NCAM2: variants seen among roughly 807,000 people sequenced by gnomAD.
NCAM2 encodes N-CAM-2.
NCAM2 carries 30 observed loss-of-function variants against 98.1 expected under a neutral mutation model. That is an observed-to-expected ratio of 0.31 (90% CI 0.23 to 0.41). NCAM2 has a LOEUF of 0.41. Among genes scored for constraint, NCAM2 ranks in the 10% least tolerant of loss-of-function variants. The probability of loss-of-function intolerance (pLI) is 1.00; values close to 1 mark genes in which losing one functional copy is unlikely to be tolerated. For synonymous variants in NCAM2, 368 were observed against 342.4 expected (o/e 1.07, Z -0.83); for missense variants, 867 against 1,005.8 (o/e 0.86, Z 1.87).
At chr21:21,521,135 C>T (rs1988993326) in intron 16 of NCAM2, among the ~76,000 whole-genome samples, 1 of 152,112 alleles carries the variant, frequency 6.6e-6, no homozygotes, top group African/African-American at 2.4e-5. Flanking sequence ...GCCAACACCA[C>T]CCGGCTCTAT....
rs148662420 is a variant in NCAM2 at position 21,104,266 on chromosome 21, G to A, written c.55+105648G>A. The stretch of plus-strand genomic sequence containing the variant: ...CGTAAGTTGTTTTCAAGTTATAATC[G>A]GATATTTACATGTATTTATTAGTAC... On this transcript the variant is annotated intron_variant, in intron 1 of 17. Transcript: ENST00000400546. Among the ~76,000 whole-genome samples the A allele has an allele frequency of 3.8e-4, 58 of 151,994 alleles. No individual in the cohort carries two copies. In the East Asian group the frequency reaches 9.3e-3, roughly 24 times the overall value.
At chr21:21,008,686 T>C (rs2064152976) in intron 1 of NCAM2, among the ~76,000 whole-genome samples, 1 of 152,184 alleles carries the variant, frequency 6.6e-6, no homozygotes, top group African/African-American at 2.4e-5. Flanking sequence ...TACTTCTTGG[T>C]ATGAAACATA....
chr21:21,248,776 C>CAAAAAAAAAAAAAAAA (rs1171857115), intron 1 of NCAM2, among the ~76,000 whole-genome samples: 2 of 50,654 alleles, frequency 3.9e-5, no homozygotes, highest in Non-Finnish European at 6.5e-5. Context: ...GACTCTGTCT[C>CAAAAAAAAAAAAAAAA]AAAAAAAAAA....
At chr21:21,148,076 C>G (rs555986175) in intron 1 of NCAM2, among the ~76,000 whole-genome samples, 190 of 152,164 alleles carry the variant, frequency 1.2e-3, no homozygotes, top group Middle Eastern at 3.4e-3. Flanking sequence ...TTCTCCTATT[C>G]AGGCTCTCAA....
chr21:21,153,246 C>T (rs2067500628), intron 1 of NCAM2, among the ~76,000 whole-genome samples: 1 of 150,778 alleles, frequency 6.6e-6, no homozygotes, highest in African/African-American at 2.4e-5. Flanking sequence ...ATCTGGAAGA[C>T]AATTCCATTA....
At chr21:21,440,417 C>T (rs532463705) in intron 12 of NCAM2, among the ~76,000 whole-genome samples, 1 of 152,256 alleles carries the variant, frequency 6.6e-6, no homozygotes, top group East Asian at 1.9e-4. Context: ...CACAGTGGCT[C>T]ATGCCTGTAA....
intron 1 of NCAM2, among the ~76,000 whole-genome samples, chr21:21,020,784 T>G (rs1002870206): frequency 2.0e-5 from 3 of 152,214 alleles, no homozygotes; most frequent in African/African-American, 7.2e-5. Context: ...ATAGGAACAC[T>G]TTTTAAATAT....
intron 1 of NCAM2, among the ~76,000 whole-genome samples, chr21:21,041,029 C>T (rs1307011610): frequency 2.0e-5 from 3 of 151,984 alleles, no homozygotes; most frequent in Non-Finnish European, 2.9e-5. Context: ...AATATCACTC[C>T]ATTGCCCATA....
chr21:21,398,340 A>G (rs1467688899), intron 9 of NCAM2, among the ~76,000 whole-genome samples: 1 of 152,204 alleles, frequency 6.6e-6, no homozygotes, highest in Non-Finnish European at 1.5e-5. Context: ...GGGTACACCA[A>G]AATCCCACAA....
chr21:21,490,230 AC>A (rs200673853), intron 15 of NCAM2, among the ~76,000 whole-genome samples: 2,577 of 150,424 alleles, frequency 0.017, 24 homozygotes, highest in Non-Finnish European at 0.023. Context: ...CTAAAAAAAA[AC>A]AATATCCAAG....
chr21:21,133,667 A>C (rs1273459403), intron 1 of NCAM2, among the ~76,000 whole-genome samples: 1 of 152,180 alleles, frequency 6.6e-6, no homozygotes, highest in Admixed American at 6.5e-5. Flanking sequence ...GATCTCATAG[A>C]ATTATTCTCA....
At chr21:21,505,409 C>T (rs954717944) in intron 15 of NCAM2, among the ~76,000 whole-genome samples, 1 of 152,050 alleles carries the variant, frequency 6.6e-6, no homozygotes, top group African/African-American at 2.4e-5. Flanking sequence ...AACTCTAAAC[C>T]ACCATAACTG....
In NCAM2 at chr21:21,145,160, G is replaced by A. The variant is rs1601489810; in HGVS notation, c.56-135418G>A. Among the ~76,000 whole-genome samples, 3 of 152,078 alleles carry A rather than the reference G, an allele frequency of 2.0e-5. No homozygotes were observed. In the South Asian group the frequency reaches 6.2e-4, roughly 32 times the overall value. On this transcript the variant is annotated intron_variant, in intron 1 of 17. Coordinates refer to ENST00000400546, the MANE Select transcript of NCAM2 (RefSeq NM_004540.5). ...ATGGTTTCTTACCATTTAAAAACAA[G>A]AAAACCTCTGACAATAATGAAACAA... is the stretch of plus-strand genomic sequence containing the variant.
intron 16 of NCAM2, among the ~76,000 whole-genome samples, chr21:21,521,720 A>G (rs906129755): frequency 2.6e-5 from 4 of 152,122 alleles, no homozygotes; most frequent in Non-Finnish European, 5.9e-5. Context: ...AGAAAAAAAA[A>G]GACTCAAACA....
chr21:21,042,587 T>C (rs376942955), intron 1 of NCAM2, among the ~76,000 whole-genome samples: 4 of 152,322 alleles, frequency 2.6e-5, no homozygotes, highest in South Asian at 4.1e-4. Context: ...TTTTCAGATA[T>C]CTTAAATTCT....
chr21:21,474,502 CT>C (rs941205006), intron 14 of NCAM2, among the ~76,000 whole-genome samples: 43 of 147,834 alleles, frequency 2.9e-4, no homozygotes, highest in East Asian at 7.9e-4. Context: ...CTAAAGAATA[CT>C]TTTTTTTTTT....
At position 21,378,875 on chromosome 21, in the gene NCAM2, T is replaced by C. The variant is rs187640261; in HGVS notation, c.1195+4862T>C. Among the ~76,000 whole-genome samples, 168 of 152,252 alleles carry C rather than the reference T, an allele frequency of 1.1e-3. 1 individual carries two copies. The highest frequency in any genetic ancestry group is 2.8e-3 in the Admixed American group (42 of 15,266). On this transcript the variant is annotated intron_variant, in intron 9 of 17. Transcript: ENST00000400546. ...AACATTTTTGTTTGATTTCTTCAGG[T>C]AAATTTTTCAAAAGCAAAGAATTAT...
At chr21:21,210,561 G>A (rs1568773641) in intron 1 of NCAM2, 6 of 1,288,142 alleles carry the variant, frequency 4.7e-6, no homozygotes, top group Non-Finnish European at 6.1e-6. Context: ...AGAGTACCAC[G>A]ATGGTGAGAT....
At chr21:21,399,390 A>AATATTAAAAAGGAC (rs1271728439) in intron 9 of NCAM2, among the ~76,000 whole-genome samples, 1 of 152,172 alleles carries the variant, frequency 6.6e-6, no homozygotes, top group Non-Finnish European at 1.5e-5. Flanking sequence ...CTTAAAATAT[A>AATATTAAAAAGGAC]ATATTAAAAA....
Sources: allele counts gnomAD v4.1 joint callset (sites outside exome capture counted in the v4.1 genomes callset), GRCh38; gene constraint gnomAD v4.1.1; transcripts MANE v1.5; gene names NCBI Gene and HGNC (gene_info 2026-07-23, HGNC 2026-07-21).